KCNAB1: variants seen among roughly 807,000 people sequenced by gnomAD.
KCNAB1 encodes potassium voltage-gated channel subfamily A regulatory beta subunit 1.
A neutral mutation model predicts 64.6 loss-of-function variants in KCNAB1; 35 were observed. The ratio of observed to expected loss-of-function variants is 0.54; its 90% CI spans 0.41 to 0.72. The LOEUF is 0.72. Among genes scored for constraint, KCNAB1 ranks in the 30% least tolerant of loss-of-function variants. KCNAB1 has a pLI of 0.00. For missense variants in KCNAB1, 401 were observed against 512.9 expected, an observed-to-expected ratio of 0.78 and a Z score of 2.11; for synonymous variants, 177 against 183.8, an observed-to-expected ratio of 0.96 and a Z score of 0.30.
At chr3:156,380,625 A>G (rs1179382251) in intron 1 of KCNAB1, among the ~76,000 whole-genome samples, 3 of 152,190 alleles carry the variant, frequency 2.0e-5, no homozygotes, top group African/African-American at 7.2e-5. Flanking sequence ...TAGTGAAGCC[A>G]TTACTAAATT....
intron 1 of KCNAB1, among the ~76,000 whole-genome samples, chr3:156,358,744 A>G (rs1175413309): frequency 6.6e-6 from 1 of 151,774 alleles, no homozygotes; most frequent in Non-Finnish European, 1.5e-5. Flanking sequence ...TCCCACCTGC[A>G]TTGCCCCATG....
At chr3:156,193,940 A>C (rs1326344614) in intron 1 of KCNAB1, among the ~76,000 whole-genome samples, 1 of 152,196 alleles carries the variant, frequency 6.6e-6, no homozygotes, top group Non-Finnish European at 1.5e-5. Context: ...GTTGAAAAGC[A>C]TTCATATATC....
intron 1 of KCNAB1, among the ~76,000 whole-genome samples, chr3:156,419,510 G>GAAAAAAAAAAAAA (rs58080148): frequency 2.1e-5 from 2 of 97,508 alleles, no homozygotes; most frequent in Non-Finnish European, 2.1e-5. Flanking sequence ...CAAAAAAAAA[G>GAAAAAAAAAAAAA]AAAAAAAAAA....
intron 7 of KCNAB1, among the ~76,000 whole-genome samples, chr3:156,467,526 A>G (rs1384884279): frequency 2.6e-5 from 4 of 152,082 alleles, no homozygotes; most frequent in Non-Finnish European, 5.9e-5. Context: ...ATCTCATCCC[A>G]TCCTAGAGTC....
At position 156,459,848 on chromosome 3, in the gene KCNAB1, C is replaced by G; in HGVS notation, c.459C>G (p.Ser153Arg). The stretch of plus-strand genomic sequence containing the variant: ...CCAGGGCTGAAGTGATTCTGGGGAG[C>G]ATCATCAAGAAGAAAGGCTGGAGGT... ...AAGKAEVILG[S>R]IIKKKGWRRS... Residue 153 changes from serine (S) to arginine (R), a missense_variant, in exon 5 of 14, where the codon AGC becomes AGG. Transcript: ENST00000490337. 1 of 1,610,244 alleles carries G rather than the reference C, an allele frequency of 6.2e-7. No homozygotes were observed. Among genetic ancestry groups the G allele is most frequent in the South Asian group, 1.1e-5 (1 of 90,856 alleles).
chr3:156,219,087 A>G (rs1715527944), intron 1 of KCNAB1, among the ~76,000 whole-genome samples: 1 of 151,988 alleles, frequency 6.6e-6, no homozygotes, highest in Non-Finnish European at 1.5e-5. Flanking sequence ...CTCACCAGCA[A>G]TGGATCCAAA....
At chr3:156,433,020 C>T (rs887067023) in intron 2 of KCNAB1, among the ~76,000 whole-genome samples, 2 of 152,156 alleles carry the variant, frequency 1.3e-5, no homozygotes, top group African/African-American at 4.8e-5. Flanking sequence ...AACTCTTAGA[C>T]ACTGCGACTG....
chr3:156,142,533 C>T (rs1399303948), intron 1 of KCNAB1, among the ~76,000 whole-genome samples: 1 of 152,190 alleles, frequency 6.6e-6, no homozygotes, highest in African/African-American at 2.4e-5. Flanking sequence ...GATGGAAAAG[C>T]TATTCTTCCT....
intron 1 of KCNAB1, among the ~76,000 whole-genome samples, chr3:156,236,052 T>G (rs1457054358): frequency 2.6e-5 from 4 of 152,200 alleles, no homozygotes; most frequent in Admixed American, 6.5e-5. Flanking sequence ...TAAATCAGAC[T>G]CTGGTGTGGC....
intron 1 of KCNAB1, among the ~76,000 whole-genome samples, chr3:156,253,135 A>G (rs999361768): frequency 6.6e-5 from 10 of 152,240 alleles, no homozygotes; most frequent in Non-Finnish European, 1.5e-4. Context: ...TGGCATATAC[A>G]TAGAAGATAC....
chr3:156,235,926 T>G (rs894148995), intron 1 of KCNAB1, among the ~76,000 whole-genome samples: 11 of 152,170 alleles, frequency 7.2e-5, no homozygotes, highest in African/African-American at 2.7e-4. Context: ...AAGGTACATA[T>G]AGTCTAAAGT....
intron 1 of KCNAB1, among the ~76,000 whole-genome samples, chr3:156,339,369 C>A (rs1268544929): frequency 6.6e-6 from 1 of 152,202 alleles, no homozygotes; most frequent in Non-Finnish European, 1.5e-5. Context: ...CCCCGCCACA[C>A]ACACACACCC....
intron 1 of KCNAB1, among the ~76,000 whole-genome samples, chr3:156,320,595 G>A (rs924647416): frequency 2.0e-5 from 3 of 152,168 alleles, no homozygotes; most frequent in Admixed American, 1.3e-4. Context: ...GGAGGCTACC[G>A]CAGCAGGACT....
intron 1 of KCNAB1, among the ~76,000 whole-genome samples, chr3:156,344,494 C>T (rs541529389): frequency 1.0e-3 from 158 of 152,318 alleles, no homozygotes; most frequent in Non-Finnish European, 1.7e-3. Context: ...ATCTGCTCAG[C>T]GCACAGCTGA....
At chr3:156,182,360 A>AAT (rs1712869933) in intron 1 of KCNAB1, among the ~76,000 whole-genome samples, 1 of 152,186 alleles carries the variant, frequency 6.6e-6, no homozygotes, top group Non-Finnish European at 1.5e-5. Context: ...ATCCTTGGCT[A>AAT]ATACTAGAAT....
At chr3:156,426,476 A>G (rs146404856) in intron 2 of KCNAB1, among the ~76,000 whole-genome samples, 123 of 152,318 alleles carry the variant, frequency 8.1e-4, no homozygotes, top group African/African-American at 2.8e-3. Flanking sequence ...ACAGTGCCAC[A>G]ACATTATCAA....
At chr3:156,222,348 A>T (rs538648488) in intron 1 of KCNAB1, among the ~76,000 whole-genome samples, 1 of 152,320 alleles carries the variant, frequency 6.6e-6, no homozygotes, top group South Asian at 2.1e-4. Flanking sequence ...CTATATAATG[A>T]TAAAAGAACT....
chr3:156,363,685 C>T (rs577482872), intron 1 of KCNAB1, among the ~76,000 whole-genome samples: 1 of 152,242 alleles, frequency 6.6e-6, no homozygotes, highest in South Asian at 2.1e-4. Context: ...CCATGTTGGT[C>T]CATGGTGGTC....
chr3:156,343,983 T>C (rs1724311295), intron 1 of KCNAB1, among the ~76,000 whole-genome samples: 1 of 152,204 alleles, frequency 6.6e-6, no homozygotes, highest in South Asian at 2.1e-4. Context: ...TATTCAGTAA[T>C]TTGCTAAAAC....
Sources: allele counts gnomAD v4.1 joint callset (sites outside exome capture counted in the v4.1 genomes callset), GRCh38; gene constraint gnomAD v4.1.1; transcripts MANE v1.5; gene names NCBI Gene and HGNC (gene_info 2026-07-23, HGNC 2026-07-21).